CD109: variants seen among roughly 807,000 people sequenced by gnomAD.
CD109 encodes the protein CD109 molecule.
Under a neutral mutation model 165.8 loss-of-function variants are expected in CD109, and 149 were observed. That is an observed-to-expected ratio of 0.90 (90% CI 0.79 to 1.03). CD109 has a LOEUF of 1.03. CD109 is among the 50% of genes least tolerant of loss of function. The pLI is 0.00. For synonymous variants in CD109, 585 were observed against 592.1 expected (o/e 0.99, Z 0.18); for missense variants, 1,712 against 1,677.8 (o/e 1.02, Z -0.36).
At chr6:73,680,171 A>C in the CD109 span, among the ~76,000 whole-genome samples, 1 of 152,106 alleles carries the variant, frequency 6.6e-6, no homozygotes, top group Non-Finnish European at 1.5e-5. Context: ...ATATTTCTAC[A>C]ATGTCTATTT....
chr6:73,717,462 T>A (rs1193476906), intron 2 of CD109, among the ~76,000 whole-genome samples: 2 of 152,024 alleles, frequency 1.3e-5, no homozygotes, highest in Admixed American at 6.6e-5. Flanking sequence ...TCATCAGTGT[T>A]TTATACTTTT....
At chr6:73,704,290 C>T (rs1771184378) in intron 2 of CD109, among the ~76,000 whole-genome samples, 1 of 152,032 alleles carries the variant, frequency 6.6e-6, no homozygotes, top group South Asian at 2.1e-4. Context: ...ACAAATTGTA[C>T]TCGACCAAAT....
chr6:73,818,562 T>C, intron 31 of CD109, 27 bp downstream of exon 31: 1 of 1,601,500 alleles, frequency 6.2e-7, no homozygotes, highest in Non-Finnish European at 8.5e-7. Flanking sequence ...AAGGTAACTG[T>C]TGACAAAGCC....
chr6:73,718,804 T>C (rs1771838797), intron 2 of CD109, among the ~76,000 whole-genome samples: 1 of 152,202 alleles, frequency 6.6e-6, no homozygotes, highest in South Asian at 2.1e-4. Context: ...TAGAACACTC[T>C]GTAAGTGGTA....
rs1272169426 is a variant in CD109 at position 73,825,122 on chromosome 6, ATG to A, written c.*1490_*1491del. 6.6e-6 allele frequency: 1 copy of A among 152,252 alleles called. No individual in the cohort carries two copies. Among genetic ancestry groups the A allele is most frequent in the East Asian group, 1.9e-4 (1 of 5,208 alleles). 9.4% of individuals were successfully genotyped at this position (152,252 alleles called of 1,614,324 possible). A position where few individuals can be genotyped will look rare whatever the true frequency, so the allele number is the denominator to read the frequency against. On this transcript the variant is annotated 3_prime_UTR_variant, in exon 33 of 33. Transcript: ENST00000287097. ...GTGAATTTTCAGAAATTATAGTGGAATGGATGCTCATATATTGCTTATGGATA... is the reference window on the plus strand; with the variant it reads ...GTGAATTTTCAGAAATTATAGTGGAAGATGCTCATATATTGCTTATGGATA...
chr6:73,797,288 A>T (rs997767), intron 23 of CD109, among the ~76,000 whole-genome samples: 82,315 of 152,096 alleles, frequency 0.54, 22,792 homozygotes, highest in African/African-American at 0.66. Flanking sequence ...CTGGAAATCC[A>T]GAACCTGTTA....
intron 19 of CD109, among the ~76,000 whole-genome samples, chr6:73,784,618 G>A (rs1380066554): frequency 6.6e-6 from 1 of 152,154 alleles, no homozygotes; most frequent in Non-Finnish European, 1.5e-5. Context: ...TCTAGAGGGA[G>A]TTACTGCTGC....
chr6:73,690,930 A>ATTTTTTTTTCTTCC (rs112022936), upstream of CD109, among the ~76,000 whole-genome samples: 105 of 151,926 alleles, frequency 6.9e-4, no homozygotes, highest in African/African-American at 2.4e-3. Context: ...ACTGTAGCAG[A>ATTTTTTTTTCTTCC]TTTTTTTTTC....
intron 23 of CD109, among the ~76,000 whole-genome samples, chr6:73,799,063 C>A (rs1323495075): frequency 6.6e-6 from 1 of 151,912 alleles, no homozygotes; most frequent in Admixed American, 6.6e-5. Context: ...AGAATTTAGT[C>A]CTTAATTAAA....
At chr6:73,694,300 C>T (rs1006765804), upstream of CD109, 23 of 152,166 alleles carry the variant, frequency 1.5e-4, no homozygotes, top group African/African-American at 5.5e-4. Flanking sequence ...ATGTAATAGC[C>T]TCATCTCTAT....
chr6:73,734,251 C>T (rs9350502), intron 4 of CD109, among the ~76,000 whole-genome samples: 5,499 of 152,172 alleles, frequency 0.036, 478 homozygotes, highest in East Asian at 0.33. Flanking sequence ...CCTCCAGATC[C>T]CCCAGGTACA....
At position 73,788,560 on chromosome 6, in the gene CD109, A is replaced by C; in HGVS notation, c.2649A>C (p.Ser883=). 6.2e-7 allele frequency: 1 copy of C among 1,613,714 alleles called. No individual in the cohort carries two copies. Among genetic ancestry groups the C allele is most frequent in the Non-Finnish European group, 8.5e-7 (1 of 1,179,824 alleles). The change falls in exon 22 of 33, where the codon TCA becomes TCC. Residue 883 remains serine (S), a synonymous_variant. Coordinates refer to ENST00000287097, the MANE Select transcript of CD109 (RefSeq NM_133493.5). ...LQSTLKTLSF[S]FPPNTVTGSE... is the part of the protein sequence containing the mutation. ...GTACCCTGAAAACTTTGAGTTTCTC[A>C]TTTCCTCCTAATACAGTGACTGGCA...
At chr6:73,814,601 T>C (rs1775868700) in intron 29 of CD109, among the ~76,000 whole-genome samples, 1 of 152,198 alleles carries the variant, frequency 6.6e-6, no homozygotes. Flanking sequence ...TTTTTGAAGT[T>C]CTAGTTAGAG....
In CD109 at chr6:73,707,962, TTATATATA is replaced by T. The variant is rs200081535; in HGVS notation, c.247+10430_247+10437del. Among the ~76,000 whole-genome samples, 419 of 126,718 alleles carry T rather than the reference TTATATATA, an allele frequency of 3.3e-3. 2 individuals are homozygous for T. The highest frequency in any genetic ancestry group is 6.7e-3 in the African/African-American group (205 of 30,480). 83.1% of individuals were successfully genotyped at this position (126,718 alleles called of 152,430 possible). On this transcript the variant is annotated intron_variant, in intron 2 of 32. Transcript: ENST00000287097. ...GAACTTTGATTTAAAATTGTTATCT[TTATATATA>T]TATATATATATATATATATATATAT...
chr6:73,759,378 T>G (rs1367169028), intron 7 of CD109, among the ~76,000 whole-genome samples: 1 of 151,868 alleles, frequency 6.6e-6, no homozygotes, highest in African/African-American at 2.4e-5. Context: ...GTCTTGCCAT[T>G]TTCTCCAGGC....
At chr6:73,804,106 A>C (rs1459892766) in intron 24 of CD109, 1 of 152,224 alleles carries the variant, frequency 6.6e-6, no homozygotes, top group African/African-American at 2.4e-5. Context: ...TACTCATTTT[A>C]TCCTTCTCAG....
chr6:73,745,324 T>C (rs556840055), intron 5 of CD109, among the ~76,000 whole-genome samples: 190 of 152,218 alleles, frequency 1.2e-3, no homozygotes, highest in South Asian at 2.7e-3. Flanking sequence ...AGGCTGGTCT[T>C]GAACTCTTGA....
At chr6:73,738,436 T>C (rs897666882) in intron 5 of CD109, among the ~76,000 whole-genome samples, 2 of 152,200 alleles carry the variant, frequency 1.3e-5, no homozygotes, top group Admixed American at 6.5e-5. Context: ...CTATGCACAA[T>C]GACCAGCAAG....
chr6:73,762,645 C>G, intron 8 of CD109, 96 bp from the exon 9 acceptor site: 1 of 1,037,794 alleles, frequency 9.6e-7, no homozygotes, highest in Non-Finnish European at 1.4e-6. Flanking sequence ...TAAAATGGTA[C>G]CAGAGCTATC....
Sources: allele counts gnomAD v4.1 joint callset (sites outside exome capture counted in the v4.1 genomes callset), GRCh38; gene constraint gnomAD v4.1.1; transcripts MANE v1.5; gene names NCBI Gene and HGNC (gene_info 2026-07-23, HGNC 2026-07-21).